The following STEAP2 variants were observed in gnomAD, a reference collection of about 807,000 sequenced individuals.
The protein encoded by STEAP2 is STEAP2 metalloreductase.
A neutral mutation model predicts 46.4 loss-of-function variants in STEAP2; 30 were observed. The observed-to-expected ratio is 0.65, with a 90% CI of 0.48 to 0.88. The LOEUF is 0.88. Ranked by LOEUF, STEAP2 falls within the 40% of genes least tolerant of loss-of-function variation. The pLI, the probability that STEAP2 is intolerant of heterozygous loss-of-function variation, is 0.00. For synonymous variants in STEAP2, 180 were observed against 200.5 expected, an observed-to-expected ratio of 0.90 and a Z score of 0.86; for missense variants, 513 against 579.3, an observed-to-expected ratio of 0.89 and a Z score of 1.18.
chr7:90,228,454 T>C (rs942100289), intron 4 of STEAP2, among the ~76,000 whole-genome samples: 1 of 152,116 alleles, frequency 6.6e-6, no homozygotes, highest in African/African-American at 2.4e-5. Context: ...TGTTGCTCAG[T>C]CAGCTCCCTT....
Position 90,232,720 on chromosome 7 carries a change from G to T in STEAP2, c.*96G>T. On this transcript the variant is annotated 3_prime_UTR_variant, in exon 6 of 6. Coordinates refer to ENST00000394621, the MANE Select transcript of STEAP2 (RefSeq NM_001244944.2). ...GTTACAAGTATGCTGTCAAATTATC[G>T]TGGGTTGAAACTTGTTAAATGAGAT... 7.1e-7 allele frequency: 1 copy of T among 1,405,288 alleles called. No individual in the cohort carries two copies. The allele number at this position is 1,405,288 out of a possible 1,614,324, so 87.1% of individuals were successfully genotyped here.
chr7:90,223,248 C>T (rs1200643812), intron 2 of STEAP2, among the ~76,000 whole-genome samples: 1 of 152,208 alleles, frequency 6.6e-6, no homozygotes, highest in Non-Finnish European at 1.5e-5. Flanking sequence ...CAACAACTTT[C>T]TCACACTGTC....
intron 4 of STEAP2, among the ~76,000 whole-genome samples, chr7:90,228,252 A>C (rs980017175): frequency 6.6e-6 from 1 of 152,208 alleles, no homozygotes; most frequent in Non-Finnish European, 1.5e-5. Context: ...ATTGCACCAA[A>C]ACAAATGTGT....
In STEAP2 at chr7:90,235,434, A is replaced by G. The variant is rs1024167816; in HGVS notation, c.*2810A>G. On this transcript the variant is annotated 3_prime_UTR_variant, in exon 6 of 6. Coordinates refer to ENST00000394621, the MANE Select transcript of STEAP2 (RefSeq NM_001244944.2). ...TTCTTAATTGTTATTTTTTATAATCATTATTTTTCTGAACCATTCTTCTGG... is the reference window on the plus strand; with the variant it reads ...TTCTTAATTGTTATTTTTTATAATCGTTATTTTTCTGAACCATTCTTCTGG... The G allele has an allele frequency of 2.0e-6, 2 of 983,316 alleles. No individual in the cohort carries two copies. The highest frequency in any genetic ancestry group is 3.5e-5 in the African/African-American group (2 of 57,168). The allele number at this position is 983,316 out of a possible 1,614,324, so 60.9% of individuals were successfully genotyped here.
At chr7:90,227,565 CAT>C in intron 4 of STEAP2, 67 bp downstream of exon 4, 11 of 1,372,190 alleles carry the variant, frequency 8.0e-6, no homozygotes, top group Non-Finnish European at 9.6e-6. Flanking sequence ...AATTGTAAAA[CAT>C]AAAATTTTAC....
Position 90,232,539 on chromosome 7 carries a change from A to T in STEAP2, c.1388A>T (p.Lys463Ile). The stretch of plus-strand genomic sequence containing the variant: ...AGCCGAAAGCTAAAACGAATTAAAA[A>T]AGGCTGGGAAAAGAGCCAATTTCTG... ...CISRKLKRIK[K>I]GWEKSQFLEE... is the part of the protein sequence containing the mutation. The change falls in exon 6 of 6, where the codon AAA (lysine) becomes ATA (isoleucine). Residue 463 changes from lysine (K) to isoleucine (I), a missense_variant. Lys to Ile is a moderately radical substitution (Grantham distance 102). Transcript: ENST00000394621. 2 of 1,613,852 alleles carry T rather than the reference A, an allele frequency of 1.2e-6. No individual in the cohort carries two copies. Among genetic ancestry groups the T allele is most frequent in the Non-Finnish European group, 8.5e-7 (1 of 1,179,778 alleles).
chr7:90,223,437 T>G (rs17869449), intron 2 of STEAP2, among the ~76,000 whole-genome samples: 2,057 of 152,324 alleles, frequency 0.014, 51 homozygotes, highest in African/African-American at 0.047. Context: ...CAAGAGTGCC[T>G]CTACAGTGTC....
Position 90,227,156 on chromosome 7 carries a change from T to G in STEAP2, c.678T>G (p.Phe226Leu). Residue 226 changes from phenylalanine (F) to leucine (L), a missense_variant, in exon 4 of 6, where the codon TTT becomes TTG. By Grantham distance (22) the Phe-to-Leu change is conservative. Coordinates refer to ENST00000394621, the MANE Select transcript of STEAP2 (RefSeq NM_001244944.2). ...TAGCTATAAGCTTGGCCACATTTTTTTTCCTTTATTCCTTTGTCAGAGATG... is the reference window on the plus strand; with the variant it reads ...TAGCTATAAGCTTGGCCACATTTTTGTTCCTTTATTCCTTTGTCAGAGATG... The part of the protein sequence containing the change: ...VVVAISLATF[F>L]FLYSFVRDVI... The G allele has an allele frequency of 6.2e-7, 1 of 1,613,700 alleles. No individual in the cohort carries two copies. Among genetic ancestry groups the G allele is most frequent in the Non-Finnish European group, 8.5e-7 (1 of 1,179,856 alleles).
intron 2 of STEAP2, among the ~76,000 whole-genome samples, chr7:90,222,929 G>T (rs1325064130): frequency 6.6e-6 from 1 of 152,144 alleles, no homozygotes; most frequent in African/African-American, 2.4e-5. Flanking sequence ...GAGCATAGAA[G>T]AAATTGTGCA....
At chr7:90,231,665 C>T (rs536046471) in intron 5 of STEAP2, among the ~76,000 whole-genome samples, 1 of 151,994 alleles carries the variant, frequency 6.6e-6, no homozygotes, top group Admixed American at 6.6e-5. Flanking sequence ...ATGGGACCAC[C>T]GTTGTATATG....
At chr7:90,238,712 GTGT>G (rs1796023006), downstream of STEAP2, among the ~76,000 whole-genome samples, 1 of 152,126 alleles carries the variant, frequency 6.6e-6, no homozygotes, top group South Asian at 2.1e-4. Context: ...GTGAGTGTTG[GTGT>G]TGTTTGTTTA....
rs567831598 is a variant in STEAP2 at position 90,230,453 on chromosome 7, G to A, written c.1185+417G>A. On this transcript the variant is annotated intron_variant, in intron 5 of 5. Transcript: ENST00000394621. The stretch of plus-strand genomic sequence containing the variant: ...TATTAATTTGAACTCAAGTGGGGAT[G>A]TCAATCTGAATATTTTAAAGAAATG... Among the ~76,000 whole-genome samples the A allele has an allele frequency of 9.2e-5, 14 of 152,070 alleles. No homozygotes were observed. In the East Asian group the frequency reaches 2.3e-3, roughly 25 times the overall value.
Position 90,233,301 on chromosome 7 carries a change from T to C in STEAP2, c.*677T>C. 2.1e-6 allele frequency: 2 copies of C among 969,326 alleles called. No homozygotes were observed. The highest frequency in any genetic ancestry group is 2.5e-6 in the Non-Finnish European group (2 of 815,354). The allele number at this position is 969,326 out of a possible 1,614,324, so 60.0% of individuals were successfully genotyped here. On this transcript the variant is annotated 3_prime_UTR_variant, in exon 6 of 6. Coordinates refer to ENST00000394621, the MANE Select transcript of STEAP2 (RefSeq NM_001244944.2). ...ACCTCATGAAAGATTTTATTCTTTA[T>C]TGTGTTACAGAGCAGTTTCATTTTC...
chr7:90,238,546 A>G (rs1796020321), downstream of STEAP2, among the ~76,000 whole-genome samples: 1 of 152,178 alleles, frequency 6.6e-6, no homozygotes, highest in Non-Finnish European at 1.5e-5. Flanking sequence ...CTTCATGAAA[A>G]TATCCTCAAA....
intron 1 of STEAP2, among the ~76,000 whole-genome samples, chr7:90,213,533 C>T (rs1007551358): frequency 1.3e-5 from 2 of 152,162 alleles, no homozygotes; most frequent in African/African-American, 4.8e-5. Flanking sequence ...ATTGATAAAT[C>T]ACCTACCCCT....
At chr7:90,223,099 T>C (rs1668725673) in intron 2 of STEAP2, among the ~76,000 whole-genome samples, 1 of 152,192 alleles carries the variant, frequency 6.6e-6, no homozygotes, top group Admixed American at 6.5e-5. Context: ...CCAGGAAGAA[T>C]AACTGCATCA....
chr7:90,241,190 A>T (rs1373071991), downstream of STEAP2, among the ~76,000 whole-genome samples: 1 of 151,640 alleles, frequency 6.6e-6, no homozygotes, highest in Non-Finnish European at 1.5e-5. Flanking sequence ...ACACACACAC[A>T]CTCACACACA....
Position 90,225,092 on chromosome 7 carries a change from A to G in STEAP2, c.10A>G (p.Ile4Val). The change falls in exon 3 of 6, where the codon ATC becomes GTC. Residue 4 changes from isoleucine to valine, a missense_variant. Physicochemically the swap from Ile to Val is conservative, Grantham distance 29. Coordinates refer to ENST00000394621, the MANE Select transcript of STEAP2 (RefSeq NM_001244944.2). Reference sequence around the variant, plus strand: ...TGGAAGTGTCCGTATCATGGAATCAATCTCTATGATGGGAAGCCCTAAGAG... The same window carrying G: ...TGGAAGTGTCCGTATCATGGAATCAGTCTCTATGATGGGAAGCCCTAAGAG... MESISMMGSPKSLS... is the reference protein window; with the variant it reads MESVSMMGSPKSLS... 1.2e-6 allele frequency: 2 copies of G among 1,613,058 alleles called. No individual in the cohort carries two copies. Among genetic ancestry groups the G allele is most frequent in the Non-Finnish European group, 1.7e-6 (2 of 1,179,534 alleles).
rs979634556 is a variant in STEAP2, at chr7:90,233,689, G to C, written c.*1065G>C. 5 of 931,566 alleles carry C rather than the reference G, an allele frequency of 5.4e-6. No homozygotes were observed. In the African/African-American group the frequency reaches 8.9e-5, roughly 17 times the overall value. The allele number at this position is 931,566 out of a possible 1,614,324, so 57.7% of individuals were successfully genotyped here. A position where few individuals can be genotyped will look rare whatever the true frequency, so the allele number is the denominator to read the frequency against. On this transcript the variant is annotated 3_prime_UTR_variant, in exon 6 of 6. Coordinates refer to ENST00000394621, the MANE Select transcript of STEAP2 (RefSeq NM_001244944.2). ...AAAGTTATTTTTCAAAGGTCTTGCAGTTAATAAATGGCAGAGTGAGCATTC... is the reference window on the plus strand; with the variant it reads ...AAAGTTATTTTTCAAAGGTCTTGCACTTAATAAATGGCAGAGTGAGCATTC...
Sources: gnomAD v4.1 joint callset for allele counts (sites outside exome capture counted in the v4.1 genomes callset) on GRCh38, gnomAD v4.1.1 for gene constraint, MANE v1.5 for transcripts, NCBI Gene and HGNC (gene_info 2026-07-23, HGNC 2026-07-21) for gene names.